The following NOVA1 variants were observed in gnomAD, a reference collection of about 807,000 sequenced individuals.
NOVA1 encodes the protein RNA-binding protein Nova-1.
Under a neutral mutation model 38.0 loss-of-function variants are expected in NOVA1, and 7 were observed. The observed-to-expected ratio is 0.18, with a 90% CI of 0.10 to 0.35. The LOEUF is 0.35. NOVA1 is among the 10% of genes least tolerant of loss of function. The pLI, the probability that NOVA1 is intolerant of heterozygous loss-of-function variation, is 1.00. For missense variants in NOVA1, 460 were observed against 616.0 expected (o/e 0.75, Z 2.68); for synonymous variants, 270 against 232.5 (o/e 1.16, Z -1.47).
At chr14:26,548,810 G>GA (rs36112756) in intron 2 of NOVA1, among the ~76,000 whole-genome samples, 79,139 of 148,514 alleles carry the variant, frequency 0.53, 25,182 homozygotes, top group Non-Finnish European at 0.7. Context: ...AAATGTTAAA[G>GA]AAAAAAAAAA....
chr14:26,471,166 G>A (rs1884558807), intron 4 of NOVA1, among the ~76,000 whole-genome samples: 1 of 151,918 alleles, frequency 6.6e-6, no homozygotes, highest in Admixed American at 6.6e-5. Context: ...GAACGCTATT[G>A]CATAAAATGA....
In NOVA1 at chr14:26,448,774, T is replaced by A; in HGVS notation, c.709A>T (p.Ile237Phe). 1 of 1,614,184 alleles carries A rather than the reference T, an allele frequency of 6.2e-7. No individual in the cohort carries two copies. Among genetic ancestry groups the A allele is most frequent in the Non-Finnish European group, 8.5e-7 (1 of 1,180,034 alleles). ...PEQNRKAVEL[I>F]IQKIQEDPQS... is the part of the protein sequence containing the mutation. ...GGATCCTCTTGTATCTTCTGGATGA[T>A]AAGTTCAACAGCTTTTCGGTTTTGT... The change falls in exon 5 of 5, where the codon ATC (isoleucine) becomes TTC (phenylalanine). Residue 237 changes from isoleucine to phenylalanine, a missense_variant. Transcript: ENST00000539517. The surrounding 1 kb of genome is among the most constrained non-coding windows in gnomAD (Gnocchi z 5.3).
chr14:26,581,080 T>A (rs981321185), intron 2 of NOVA1, among the ~76,000 whole-genome samples: 4 of 151,964 alleles, frequency 2.6e-5, no homozygotes, highest in Non-Finnish European at 4.4e-5. Flanking sequence ...ATTACGCAGA[T>A]AAAAAACTGG....
chr14:26,495,496 T>G (rs563175041), intron 2 of NOVA1, among the ~76,000 whole-genome samples: 30 of 152,290 alleles, frequency 2.0e-4, no homozygotes, highest in Middle Eastern at 6.8e-3. Flanking sequence ...CAAGCTTTTT[T>G]TTGTTGTTGT....
chr14:26,444,142 T>G lies in NOVA1; in HGVS notation c.*3817A>C, dbSNP rs2138529191. ...CCTTTGTTGAAATCTATTACCACCA[T>G]TAAAATTTCCAAGGAAACATAGGGC... On this transcript the variant is annotated 3_prime_UTR_variant, in exon 5 of 5. Transcript: ENST00000539517. 1 of 152,250 alleles carries G rather than the reference T, an allele frequency of 6.6e-6. No homozygotes were observed. The highest frequency in any genetic ancestry group is 1.9e-4 in the East Asian group (1 of 5,188). The allele number at this position is 152,250 out of a possible 1,614,324, so 9.4% of individuals were successfully genotyped here.
chr14:26,516,968 C>T (rs938270138), intron 2 of NOVA1, among the ~76,000 whole-genome samples: 3 of 149,118 alleles, frequency 2.0e-5, no homozygotes, highest in African/African-American at 5.0e-5. Flanking sequence ...TGCAGTGGCA[C>T]GATCTTGGCT....
chr14:26,532,981 T>C (rs1331737106), intron 2 of NOVA1, among the ~76,000 whole-genome samples: 2 of 152,202 alleles, frequency 1.3e-5, no homozygotes, highest in Non-Finnish European at 2.9e-5. Context: ...AGATATATTG[T>C]CTATAATAGA....
chr14:26,489,535 T>C (rs117067638), intron 2 of NOVA1, among the ~76,000 whole-genome samples: 6,238 of 151,604 alleles, frequency 0.041, 188 homozygotes, highest in South Asian at 0.097. Context: ...TATTAAAATG[T>C]ATTAATTTTT....
intron 2 of NOVA1, among the ~76,000 whole-genome samples, chr14:26,487,794 T>G (rs1414442795): frequency 6.6e-6 from 1 of 152,162 alleles, no homozygotes; most frequent in East Asian, 1.9e-4. Flanking sequence ...ATTCCAAATC[T>G]GTCATAAAAA....
At chr14:26,552,824 C>G (rs1008887617) in intron 2 of NOVA1, among the ~76,000 whole-genome samples, 1 of 152,078 alleles carries the variant, frequency 6.6e-6, no homozygotes, top group Non-Finnish European at 1.5e-5. Flanking sequence ...AAGGAAGCAG[C>G]ATTACTTAAA....
chr14:26,581,829 C>A (rs1057239685), intron 2 of NOVA1, among the ~76,000 whole-genome samples: 2 of 151,850 alleles, frequency 1.3e-5, no homozygotes, highest in East Asian at 1.9e-4. Flanking sequence ...TGCTGTTACA[C>A]AATAACAGAA....
intron 2 of NOVA1, among the ~76,000 whole-genome samples, chr14:26,564,172 T>C (rs948954043): frequency 1.3e-5 from 2 of 152,142 alleles, no homozygotes; most frequent in Non-Finnish European, 2.9e-5. Flanking sequence ...TGGAAAACAC[T>C]TCAGGACCTC....
intron 2 of NOVA1, among the ~76,000 whole-genome samples, chr14:26,567,290 A>ATTTTTTTTTTTT (rs372263187): frequency 2.1e-5 from 2 of 93,704 alleles, no homozygotes; most frequent in Non-Finnish European, 4.0e-5. Context: ...GTCTTGTTTA[A>ATTTTTTTTTTTT]TTTTTTTTTT....
chr14:26,472,209 T>C (rs1213292670), intron 4 of NOVA1, 111 bp downstream of exon 4: 3 of 698,800 alleles, frequency 4.3e-6, no homozygotes, highest in Non-Finnish European at 5.3e-6. Context: ...CTGACTATGG[T>C]GCATATATGT....
chr14:26,556,944 G>GTAA (rs1467302853), intron 2 of NOVA1, among the ~76,000 whole-genome samples: 2 of 152,192 alleles, frequency 1.3e-5, no homozygotes, highest in Non-Finnish European at 2.9e-5. Flanking sequence ...ACTGGAGGTT[G>GTAA]TAAGAGGGAA....
chr14:26,462,492 G>A (rs927661226), intron 4 of NOVA1, among the ~76,000 whole-genome samples: 3 of 152,168 alleles, frequency 2.0e-5, no homozygotes, highest in Admixed American at 6.5e-5. Flanking sequence ...TTCAAATATA[G>A]ATGCAAAATC....
intron 2 of NOVA1, among the ~76,000 whole-genome samples, chr14:26,542,500 T>G (rs893586950): frequency 2.0e-5 from 3 of 151,842 alleles, no homozygotes; most frequent in Non-Finnish European, 4.4e-5. Flanking sequence ...GCATTTCAAA[T>G]TGAGACAACT....
intron 2 of NOVA1, among the ~76,000 whole-genome samples, chr14:26,536,193 T>C (rs1175967137): frequency 6.7e-6 from 1 of 149,748 alleles, no homozygotes; most frequent in African/African-American, 2.5e-5. Context: ...AAGTAGAGGA[T>C]GGTTACCAGA....
intron 2 of NOVA1, among the ~76,000 whole-genome samples, chr14:26,579,987 TGGGTTCAA>T (rs1408021419): frequency 6.6e-6 from 1 of 152,026 alleles, no homozygotes; most frequent in African/African-American, 2.4e-5. Context: ...CCCAAACTCC[TGGGTTCAA>T]GCAATTCTAC....
Sources: allele counts gnomAD v4.1 joint callset (sites outside exome capture counted in the v4.1 genomes callset), GRCh38; gene constraint gnomAD v4.1.1; non-coding constraint Gnocchi (gnomAD v3.1); transcripts MANE v1.5; gene names NCBI Gene and HGNC (gene_info 2026-07-23, HGNC 2026-07-21).